CPLX2: variants seen among roughly 807,000 people sequenced by gnomAD.
The protein encoded by CPLX2 is complexin 2, also known as complexin-2.
A neutral mutation model predicts 16.3 loss-of-function variants in CPLX2; 5 were observed. The observed-to-expected ratio is 0.31, with a 90% confidence interval of 0.16 to 0.64. CPLX2 has a LOEUF of 0.64. Ranked by LOEUF, CPLX2 falls within the 30% of genes least tolerant of loss-of-function variation. CPLX2 has a pLI of 0.79. For missense variants in CPLX2, 144 were observed against 181.4 expected (o/e 0.79, Z 1.18); for synonymous variants, 89 against 73.2 (o/e 1.22, Z -1.10).
chr5:175,877,298 G>T (rs1000884946), intron 1 of CPLX2, among the ~76,000 whole-genome samples: 20 of 149,628 alleles, frequency 1.3e-4, no homozygotes, highest in Non-Finnish European at 2.8e-4. Flanking sequence ...GTCTGATCAC[G>T]TAGATAAGCT....
intron 2 of CPLX2, among the ~76,000 whole-genome samples, chr5:175,820,871 AG>A (rs1355536671): frequency 1.3e-5 from 2 of 152,228 alleles, no homozygotes; most frequent in Non-Finnish European, 2.9e-5. Flanking sequence ...GATGGTGCTC[AG>A]GGCCGTGGAG....
intron 2 of CPLX2, among the ~76,000 whole-genome samples, chr5:175,811,100 G>A (rs1758304459): frequency 1.3e-5 from 2 of 152,216 alleles, no homozygotes; most frequent in Admixed American, 6.5e-5. Context: ...ATATATGTAA[G>A]GTGGATGGCA....
At chr5:175,857,558 C>G (rs1270987628) in intron 2 of CPLX2, among the ~76,000 whole-genome samples, 1 of 152,200 alleles carries the variant, frequency 6.6e-6, no homozygotes, top group African/African-American at 2.4e-5. Context: ...CCCAGTTGTG[C>G]AAAGTCAACT....
intron 1 of CPLX2, 104 bp from the exon 2 acceptor site, chr5:175,878,548 T>C: frequency 1.6e-6 from 1 of 634,170 alleles, no homozygotes; most frequent in South Asian, 1.9e-5. Context: ...CTCAGAGCGA[T>C]GGGTGCCTGG....
At chr5:175,870,571 G>A (rs761867695), upstream of CPLX2, among the ~76,000 whole-genome samples, 6 of 152,002 alleles carry the variant, frequency 3.9e-5, no homozygotes, top group Admixed American at 2.6e-4. Context: ...ATTGGGAGCC[G>A]AAAGATGGCA....
chr5:175,871,458 A>AGAGG (rs1554122147), upstream of CPLX2: 309 of 79,948 alleles, frequency 3.9e-3, 59 homozygotes, highest in Non-Finnish European at 6.5e-3. Context: ...AGAGAGAGAG[A>AGAGG]GAGAGAGAGA....
At chr5:175,834,130 G>A (rs1758781749) in intron 2 of CPLX2, among the ~76,000 whole-genome samples, 1 of 152,242 alleles carries the variant, frequency 6.6e-6, no homozygotes, top group Admixed American at 6.5e-5. Context: ...CCTGCCTCTG[G>A]ATGCCAGCTC....
intron 2 of CPLX2, among the ~76,000 whole-genome samples, chr5:175,820,116 T>C (rs1758478403): frequency 1.3e-5 from 2 of 152,110 alleles, no homozygotes; most frequent in African/African-American, 4.8e-5. Flanking sequence ...AGGGAGCCAA[T>C]TTGGTCAGCT....
At chr5:175,822,609 G>A (rs1305361623) in intron 2 of CPLX2, among the ~76,000 whole-genome samples, 2 of 152,238 alleles carry the variant, frequency 1.3e-5, no homozygotes, top group African/African-American at 4.8e-5. Flanking sequence ...GCTTCAGACA[G>A]TGACCACAAC....
At position 175,845,344 on chromosome 5, in the gene CPLX2, C is replaced by T. The variant is rs1411285774; in HGVS notation, c.-88-33308C>T. ...ACATCACCTGGCTCCTGCGGCCTCT[C>T]CGGCCTCATTTCCTCAACTCTGCCC... On this transcript the variant is annotated intron_variant, in intron 2 of 4. Transcript: ENST00000359546. This position sits in a 1 kb window ranked among gnomAD's most constrained non-coding sequence, Gnocchi z 4.0. Among the ~76,000 whole-genome samples the T allele has an allele frequency of 6.6e-6, 1 of 152,238 alleles. No individual in the cohort carries two copies. The highest frequency in any genetic ancestry group is 1.5e-5 in the Non-Finnish European group (1 of 68,042).
intron 2 of CPLX2, among the ~76,000 whole-genome samples, chr5:175,856,767 G>A (rs1039363046): frequency 6.6e-6 from 1 of 152,090 alleles, no homozygotes; most frequent in Non-Finnish European, 1.5e-5. Context: ...CAGGGCCTGC[G>A]CACAGCGGGT....
At chr5:175,825,468 C>G (rs17065534) in intron 2 of CPLX2, among the ~76,000 whole-genome samples, 18,401 of 152,100 alleles carry the variant, frequency 0.12, 1,444 homozygotes, top group East Asian at 0.3. Context: ...GCTCTATTCC[C>G]TCCTTTTCTA....
At chr5:175,825,743 CA>C (rs1162434779) in intron 2 of CPLX2, among the ~76,000 whole-genome samples, 1 of 151,934 alleles carries the variant, frequency 6.6e-6, no homozygotes, top group African/African-American at 2.4e-5. Flanking sequence ...ATAGCTTGAC[CA>C]TTCCCATCAC....
intron 2 of CPLX2, among the ~76,000 whole-genome samples, chr5:175,846,824 AGTGT>A (rs1310995236): frequency 6.6e-6 from 1 of 152,024 alleles, no homozygotes; most frequent in Non-Finnish European, 1.5e-5. Context: ...GGGCTGCTGG[AGTGT>A]GATTTGCTGC....
rs1759113000 is a variant in CPLX2 at position 175,849,594 on chromosome 5, G to A, written c.-88-29058G>A. Among the ~76,000 whole-genome samples the A allele has an allele frequency of 6.6e-6, 1 of 152,194 alleles. No homozygotes were observed. Among genetic ancestry groups the A allele is most frequent in the Admixed American group, 6.5e-5 (1 of 15,286 alleles). ...CCACGCTGGACAGGGGACCACACTG[G>A]CTGGGGGAGCCTTCTCAGGGAGAGA... On this transcript the variant is annotated intron_variant, in intron 2 of 4. Transcript: ENST00000359546. The surrounding 1 kb of genome is among the most constrained non-coding windows in gnomAD (Gnocchi z 4.4).
At chr5:175,854,923 A>G (rs575491253) in intron 2 of CPLX2, among the ~76,000 whole-genome samples, 6 of 152,358 alleles carry the variant, frequency 3.9e-5, no homozygotes, top group African/African-American at 1.2e-4. Flanking sequence ...GGCTGCAACA[A>G]TGGCCAGACA....
rs376070114 is a variant in CPLX2, at chr5:175,851,315, C to T, written c.-88-27337C>T. Among the ~76,000 whole-genome samples the T allele has an allele frequency of 5.3e-5, 8 of 152,274 alleles. No homozygotes were observed. The East Asian group carries it at 7.7e-4, about 15-fold the overall frequency. Reference sequence around the variant, plus strand: ...CAGTTGGGGCCAGGTTGAAGGGCCACGGTGAAGCCTGCACAAAGGCCCAGT... The same window carrying T: ...CAGTTGGGGCCAGGTTGAAGGGCCATGGTGAAGCCTGCACAAAGGCCCAGT... On this transcript the variant is annotated intron_variant, in intron 2 of 4. Transcript: ENST00000359546.
chr5:175,858,839 GC>G lies in CPLX2; in HGVS notation c.-88-19811del, dbSNP rs1207294976. Among the ~76,000 whole-genome samples the G allele has an allele frequency of 2.0e-5, 3 of 152,238 alleles. No homozygotes were observed. In the East Asian group the frequency reaches 5.8e-4, roughly 29 times the overall value. ...CCCAAGAAAGCTGAAGACCAAGGGA[GC>G]CTGTTGATTGGTCTATGTGGGGCAG... On this transcript the variant is annotated intron_variant, in intron 2 of 4. Coordinates refer to the CPLX2 transcript ENST00000359546.
At chr5:175,824,203 C>A (rs957878143) in intron 2 of CPLX2, among the ~76,000 whole-genome samples, 1 of 152,336 alleles carries the variant, frequency 6.6e-6, no homozygotes, top group South Asian at 2.1e-4. Context: ...GTTTCCCAAA[C>A]ATGCTGCATT....
Sources: gnomAD v4.1 joint callset for allele counts (sites outside exome capture counted in the v4.1 genomes callset) on GRCh38, gnomAD v4.1.1 for gene constraint, Gnocchi (gnomAD v3.1) non-coding constraint, MANE v1.5 for transcripts, NCBI Gene and HGNC (gene_info 2026-07-23, HGNC 2026-07-21) for gene names.